The following GDF11 variants were observed in gnomAD, a reference collection of about 807,000 sequenced individuals.
GDF11 encodes the protein growth differentiation factor 11.
In GDF11, 12 loss-of-function variants were observed where a neutral mutation model predicts 34.4. That is an observed-to-expected ratio of 0.35 (90% CI 0.22 to 0.57). GDF11 has a LOEUF of 0.57. GDF11 is among the 20% of genes least tolerant of loss of function. GDF11 has a pLI of 0.86. For missense variants in GDF11, 346 were observed against 548.2 expected, an observed-to-expected ratio of 0.63 and a Z score of 3.68; for synonymous variants, 212 against 231.1, an observed-to-expected ratio of 0.92 and a Z score of 0.75.
intron 1 of GDF11, among the ~76,000 whole-genome samples, chr12:55,747,936 T>G (rs1878218942): frequency 6.6e-6 from 1 of 152,172 alleles, no homozygotes. Flanking sequence ...TGAAGAAACT[T>G]CTTAAGAGAG....
rs540355211 is a variant in GDF11 at position 55,757,087 on chromosome 12, C to A, written c.*7205C>A. ...ACCTCTTCACAGAGGATAAAAAATG[C>A]TTGTGAGTATGACAGAAGGGAATAA... On this transcript the variant is annotated 3_prime_UTR_variant, in exon 3 of 3. Transcript: ENST00000257868. 6.5e-6 allele frequency: 1 copy of A among 153,180 alleles called. No individual in the cohort carries two copies. The highest frequency in any genetic ancestry group is 1.9e-4 in the East Asian group (1 of 5,202). 9.5% of individuals were successfully genotyped at this position (153,180 alleles called of 1,614,324 possible).
Position 55,748,766 on chromosome 12 carries a change from CAGGGGGAGGGGGCGGAG to C in GDF11, c.627_643del (p.Gly210ProfsTer12). ...AAACCCCTAACTGGGGAAGGGACCG[CAGGGGGAGGGGGCGGAG>C]GCCGGCGTCACATCCGTATCCGCTC... On this transcript the variant is annotated frameshift_variant, in exon 2 of 3. Transcript: ENST00000257868. LOFTEE classifies it high-confidence loss of function. The surrounding 1 kb of genome is among the most constrained non-coding windows in gnomAD (Gnocchi z 5.6). 6.2e-7 allele frequency: 1 copy of C among 1,614,222 alleles called. No individual in the cohort carries two copies.
intron 1 of GDF11, among the ~76,000 whole-genome samples, chr12:55,744,194 C>T (rs1435746283): frequency 6.6e-6 from 1 of 152,148 alleles, no homozygotes; most frequent in Non-Finnish European, 1.5e-5. Flanking sequence ...GCGGTAACTC[C>T]CCACTCCGTG....
chr12:55,744,756 G>A (rs989992178), intron 1 of GDF11, among the ~76,000 whole-genome samples: 5 of 151,638 alleles, frequency 3.3e-5, no homozygotes, highest in Non-Finnish European at 5.9e-5. Context: ...TAGTGGTTTG[G>A]CAAGGTTCCC....
rs1469413614 is a variant in GDF11, at chr12:55,743,519, G to A, written c.203G>A (p.Arg68Gln). 1 of 1,594,940 alleles carries A rather than the reference G, an allele frequency of 6.3e-7. No individual in the cohort carries two copies. The highest frequency in any genetic ancestry group is 2.2e-5 in the East Asian group (1 of 44,450). ...EPDGCPVCVW[R>Q]QHSRELRLES... Reference sequence around the variant, plus strand: ...GACGGCTGCCCCGTGTGCGTTTGGCGGCAGCACAGCCGCGAGCTGCGCCTA... The same window carrying A: ...GACGGCTGCCCCGTGTGCGTTTGGCAGCAGCACAGCCGCGAGCTGCGCCTA... The change falls in exon 1 of 3, where the codon CGG becomes CAG. Residue 68 changes from arginine to glutamine, a missense_variant. Physicochemically the swap from Arg to Gln is conservative, Grantham distance 43. Transcript: ENST00000257868.
At chr12:55,747,376 C>T (rs1316931440) in intron 1 of GDF11, among the ~76,000 whole-genome samples, 4 of 151,962 alleles carry the variant, frequency 2.6e-5, no homozygotes. Context: ...TTAGAAGGTC[C>T]TCTTTCTCCC....
rs1480358374 is a variant in GDF11, at chr12:55,749,661, C to T, written c.1003C>T (p.Arg335Cys). 1.9e-6 allele frequency: 3 copies of T among 1,614,012 alleles called. No homozygotes were observed. Among genetic ancestry groups the T allele is most frequent in the African/African-American group, 1.3e-5 (1 of 74,880 alleles). The change falls in exon 3 of 3, where the codon CGC (arginine) becomes TGC (cysteine). Residue 335 changes from arginine (R) to cysteine (C), a missense_variant. By Grantham distance (180) the Arg-to-Cys change is radical. Coordinates refer to ENST00000257868, the MANE Select transcript of GDF11 (RefSeq NM_005811.5). This position sits in a 1 kb window ranked among gnomAD's most constrained non-coding sequence, Gnocchi z 5.6. ...CTGGGACTGGATCATCGCACCTAAG[C>T]GCTACAAGGCCAACTACTGCTCCGG... ...FGWDWIIAPK[R>C]YKANYCSGQC...
In GDF11 at chr12:55,752,171, G is replaced by T. The variant is rs934590856; in HGVS notation, c.*2289G>T. ...CATCAACACCACTCACATTTCCTTGGTGGAAGGAAAGGAACAGAGAAGTGA... is the reference window on the plus strand; with the variant it reads ...CATCAACACCACTCACATTTCCTTGTTGGAAGGAAAGGAACAGAGAAGTGA... On this transcript the variant is annotated 3_prime_UTR_variant, in exon 3 of 3. Coordinates refer to ENST00000257868, the MANE Select transcript of GDF11 (RefSeq NM_005811.5). 6.6e-6 allele frequency: 1 copy of T among 152,194 alleles called. No individual in the cohort carries two copies. Among genetic ancestry groups the T allele is most frequent in the Admixed American group, 6.5e-5 (1 of 15,282 alleles). The allele number at this position is 152,194 out of a possible 1,614,324, so 9.4% of individuals were successfully genotyped here.
chr12:55,748,572 TTCTC>T lies in GDF11; in HGVS notation c.446-10_446-7del. 6.3e-7 allele frequency: 1 copy of T among 1,592,380 alleles called. No homozygotes were observed. Among genetic ancestry groups the T allele is most frequent in the Non-Finnish European group, 8.6e-7 (1 of 1,166,546 alleles). On this transcript the variant is annotated splice_polypyrimidine_tract_variant and intron_variant, in intron 1 of 2. Coordinates refer to ENST00000257868, the MANE Select transcript of GDF11 (RefSeq NM_005811.5). The surrounding 1 kb of genome is among the most constrained non-coding windows in gnomAD (Gnocchi z 5.6). ...AACACCCTTTGCTGATGCTGTGCCC[TTCTC>T]TCTTATCAGCGGACCCAGCAGTACA... is the stretch of plus-strand genomic sequence containing the variant.
In GDF11 at chr12:55,743,545, G is replaced by A. The variant is rs1878111111; in HGVS notation, c.229G>A (p.Glu77Lys). 6.2e-7 allele frequency: 1 copy of A among 1,603,230 alleles called. No homozygotes were observed. Among genetic ancestry groups the A allele is most frequent in the Non-Finnish European group, 8.5e-7 (1 of 1,179,606 alleles). The change falls in exon 1 of 3, where the codon GAG becomes AAG. Residue 77 changes from glutamate to lysine, a missense_variant. Physicochemically the swap from Glu to Lys is moderately conservative, Grantham distance 56 (BLOSUM62 1). Around this residue, in one of 3 missense-constraint regions of GDF11, gnomAD observed 141 missense variants for 213.8 expected, o/e 0.66. Transcript: ENST00000257868. The part of the protein sequence containing the change: ...WRQHSRELRL[E>K]SIKSQILSKL... ...GCAGCACAGCCGCGAGCTGCGCCTA[G>A]AGAGCATCAAGTCGCAGATCTTGAG...
Position 55,756,147 on chromosome 12 carries a change from G to T in GDF11, c.*6265G>T, listed in dbSNP as rs558731808. On this transcript the variant is annotated 3_prime_UTR_variant, in exon 3 of 3. Transcript: ENST00000257868. ...GCTAGCCCCAAGATCAGAGCCTGAG[G>T]TAAAGAAAAGGAAGGCAGACAGAAA... The T allele has an allele frequency of 3.3e-5, 5 of 152,196 alleles. No homozygotes were observed. Among genetic ancestry groups the T allele is most frequent in the Non-Finnish European group, 5.9e-5 (4 of 68,042 alleles). The allele number at this position is 152,196 out of a possible 1,614,324, so 9.4% of individuals were successfully genotyped here. A position where few individuals can be genotyped will look rare whatever the true frequency, so the allele number is the denominator to read the frequency against.
In GDF11 at chr12:55,756,388, C is replaced by G. The variant is rs1878505615; in HGVS notation, c.*6506C>G. 6.6e-6 allele frequency: 1 copy of G among 152,136 alleles called. No homozygotes were observed. The highest frequency in any genetic ancestry group is 2.4e-5 in the African/African-American group (1 of 41,420). 9.4% of individuals were successfully genotyped at this position (152,136 alleles called of 1,614,324 possible). On this transcript the variant is annotated 3_prime_UTR_variant, in exon 3 of 3. Coordinates refer to ENST00000257868, the MANE Select transcript of GDF11 (RefSeq NM_005811.5). ...CCCTGCTTTCCTCACCAACCAGAGA[C>G]TTTGGAGAAATAAAGAGATATCTTG...
intron 1 of GDF11, among the ~76,000 whole-genome samples, chr12:55,745,959 CAT>C (rs1878176017): frequency 6.9e-6 from 1 of 145,308 alleles, no homozygotes; most frequent in South Asian, 2.5e-4. Flanking sequence ...GCCTTCCAGC[CAT>C]GGTTGGGAGT....
In GDF11 at chr12:55,755,528, T is replaced by C. The variant is rs992070660; in HGVS notation, c.*5646T>C. The C allele has an allele frequency of 3.9e-5, 6 of 152,142 alleles. No individual in the cohort carries two copies. Among genetic ancestry groups the C allele is most frequent in the Non-Finnish European group, 5.9e-5 (4 of 68,026 alleles). The allele number at this position is 152,142 out of a possible 1,614,324, so 9.4% of individuals were successfully genotyped here. A position where few individuals can be genotyped will look rare whatever the true frequency, so the allele number is the denominator to read the frequency against. ...CCACATCTGGATGCTGGATCAACTATAGTAGGGAAACGGGGAGAGGAAGGA... is the reference window on the plus strand; with the variant it reads ...CCACATCTGGATGCTGGATCAACTACAGTAGGGAAACGGGGAGAGGAAGGA... On this transcript the variant is annotated 3_prime_UTR_variant, in exon 3 of 3. Coordinates refer to ENST00000257868, the MANE Select transcript of GDF11 (RefSeq NM_005811.5).
In GDF11 at chr12:55,750,577, A is replaced by G. The variant is rs1416735052; in HGVS notation, c.*695A>G. ...CCAAACCCTGCTCTCCCCAACACCTACTCACTTAAGCACTTGTATAAAGCC... is the reference window on the plus strand; with the variant it reads ...CCAAACCCTGCTCTCCCCAACACCTGCTCACTTAAGCACTTGTATAAAGCC... On this transcript the variant is annotated 3_prime_UTR_variant, in exon 3 of 3. Transcript: ENST00000257868. The G allele has an allele frequency of 6.6e-6, 1 of 151,958 alleles. No individual in the cohort carries two copies. The allele number at this position is 151,958 out of a possible 1,614,324, so 9.4% of individuals were successfully genotyped here.
rs190137853 is a variant in GDF11 at position 55,756,480 on chromosome 12, A to G, written c.*6598A>G. The G allele has an allele frequency of 3.3e-5, 5 of 152,352 alleles. No individual in the cohort carries two copies. The highest frequency in any genetic ancestry group is 1.2e-4 in the African/African-American group (5 of 41,586). The allele number at this position is 152,352 out of a possible 1,614,324, so 9.4% of individuals were successfully genotyped here. ...CAAAACCAGGCAGGTTTTAGTAGAA[A>G]TAAGGATAAAGGATTACACCACAGC... On this transcript the variant is annotated 3_prime_UTR_variant, in exon 3 of 3. Coordinates refer to ENST00000257868, the MANE Select transcript of GDF11 (RefSeq NM_005811.5).
chr12:55,755,782 G>A lies in GDF11; in HGVS notation c.*5900G>A, dbSNP rs1033918217. ...ACAGCTGCTGAAATGGGATGAAAGA[G>A]GTTAATAAGAAAAAAAAAAAAATCC... On this transcript the variant is annotated 3_prime_UTR_variant, in exon 3 of 3. Coordinates refer to ENST00000257868, the MANE Select transcript of GDF11 (RefSeq NM_005811.5). 1 of 130,952 alleles carries A rather than the reference G, an allele frequency of 7.6e-6. No homozygotes were observed. Among genetic ancestry groups the A allele is most frequent in the Non-Finnish European group, 1.5e-5 (1 of 67,552 alleles). The allele number at this position is 130,952 out of a possible 1,614,324, so 8.1% of individuals were successfully genotyped here.
In GDF11 at chr12:55,748,532, C is replaced by T. The variant is rs181823578; in HGVS notation, c.446-54C>T. ...AAATTGCCAGTGCCACCCAGGACTACTGATCCCCTACACAAACACCCTTTG... is the reference window on the plus strand; with the variant it reads ...AAATTGCCAGTGCCACCCAGGACTATTGATCCCCTACACAAACACCCTTTG... On this transcript the variant is annotated intron_variant, in intron 1 of 2. Coordinates refer to ENST00000257868, the MANE Select transcript of GDF11 (RefSeq NM_005811.5). This position sits in a 1 kb window ranked among gnomAD's most constrained non-coding sequence, Gnocchi z 5.6. The T allele has an allele frequency of 1.6e-5, 24 of 1,522,244 alleles. No homozygotes were observed. In the East Asian group the frequency reaches 5.0e-4, roughly 32 times the overall value. The allele number at this position is 1,522,244 out of a possible 1,614,324, so 94.3% of individuals were successfully genotyped here. A position where few individuals can be genotyped will look rare whatever the true frequency, so the allele number is the denominator to read the frequency against.
At position 55,757,209 on chromosome 12, in the gene GDF11, TC is replaced by T. The variant is rs1878533268; in HGVS notation, c.*7331del. 4.4e-6 allele frequency: 1 copy of T among 228,180 alleles called. No individual in the cohort carries two copies. Among genetic ancestry groups the T allele is most frequent in the South Asian group, 1.2e-4 (1 of 8,210 alleles). 14.1% of individuals were successfully genotyped at this position (228,180 alleles called of 1,614,324 possible). Reference sequence around the variant, plus strand: ...TCTCTATAATATTTGCCCCTGAAGCTCCCCTTATCTGGTCTAATCTAGCTCC... The same window carrying T: ...TCTCTATAATATTTGCCCCTGAAGCTCCCTTATCTGGTCTAATCTAGCTCC... On this transcript the variant is annotated 3_prime_UTR_variant, in exon 3 of 3. Coordinates refer to ENST00000257868, the MANE Select transcript of GDF11 (RefSeq NM_005811.5).
Sources: allele counts gnomAD v4.1 joint callset (sites outside exome capture counted in the v4.1 genomes callset), GRCh38; gene constraint gnomAD v4.1.1; regional missense constraint gnomAD v4.1.1; non-coding constraint Gnocchi (gnomAD v3.1); transcripts MANE v1.5; gene names NCBI Gene and HGNC (gene_info 2026-07-23, HGNC 2026-07-21).